Variants in ANO2 observed in about 807,000 individuals in gnomAD.
ANO2 encodes anoctamin-2.
A neutral mutation model predicts 124.2 loss-of-function variants in ANO2; 101 were observed. The observed-to-expected ratio is 0.81, with a 90% CI of 0.69 to 0.96. The LOEUF (loss-of-function observed/expected upper bound fraction) is 0.96, where lower values mean the gene tolerates loss of function less well. Among genes scored for constraint, ANO2 ranks in the 40% least tolerant of loss-of-function variants. The pLI, the probability that ANO2 is intolerant of heterozygous loss-of-function variation, is 0.00. For synonymous variants in ANO2, 486 were observed against 482.5 expected (o/e 1.01, Z -0.09); for missense variants, 1,293 against 1,274.5 (o/e 1.01, Z -0.22).
In ANO2 at chr12:5,922,774, C is replaced by G. The variant is rs200511572; in HGVS notation, c.53G>C (p.Arg18Pro). 3 of 1,543,010 alleles carry G rather than the reference C, an allele frequency of 1.9e-6. No individual in the cohort carries two copies. The East Asian group carries it at 7.1e-5, about 37-fold the overall frequency. ...DIPLLPGSPR[R>P]LSPQAGSRGG... The stretch of plus-strand genomic sequence containing the variant: ...TCTGGACCCTGCCTGAGGGCTCAGC[C>G]GGCGTGGGGAGCCAGGGAGCAGGGG... The change falls in exon 2 of 25, where the codon CGG becomes CCG. Residue 18 changes from arginine to proline, a missense_variant. By Grantham distance (103) the Arg-to-Pro change is moderately radical (BLOSUM62 -2). Transcript: ENST00000682330.
chr12:5,827,602 C>T, intron 7 of ANO2, 167 bp downstream of exon 7: 1 of 777,944 alleles, frequency 1.3e-6, no homozygotes, highest in Admixed American at 2.2e-5. Context: ...GGGACCCCCG[C>T]TGCTCCTGGG....
chr12:5,757,590 C>T (rs191929835), intron 10 of ANO2, among the ~76,000 whole-genome samples: 3 of 152,294 alleles, frequency 2.0e-5, no homozygotes, highest in African/African-American at 7.2e-5. Flanking sequence ...ATTTACCCAC[C>T]ACCACAGGTT....
intron 3 of ANO2, among the ~76,000 whole-genome samples, chr12:5,906,329 C>T (rs549197766): frequency 7.0e-6 from 1 of 142,080 alleles, no homozygotes; most frequent in African/African-American, 2.7e-5. Context: ...ATTATATTAT[C>T]AATATGTCAC....
chr12:5,708,294 G>T (rs1407381128), intron 14 of ANO2, among the ~76,000 whole-genome samples: 1 of 152,178 alleles, frequency 6.6e-6, no homozygotes, highest in Non-Finnish European at 1.5e-5. Context: ...ACTCTCCACA[G>T]AACATTTTAC....
At chr12:5,747,053 C>T (rs1951285603) in intron 11 of ANO2, among the ~76,000 whole-genome samples, 1 of 152,168 alleles carries the variant, frequency 6.6e-6, no homozygotes, top group African/African-American at 2.4e-5. Context: ...TAAAGCTCCA[C>T]CTCATCAATG....
chr12:5,598,800 T>C (rs1036089086), intron 20 of ANO2, among the ~76,000 whole-genome samples: 10 of 152,230 alleles, frequency 6.6e-5, no homozygotes, highest in East Asian at 1.9e-4. Flanking sequence ...CTGGCCTAAG[T>C]TGGGACCCTT....
At chr12:5,922,478 G>A (rs1240459618) in intron 2 of ANO2, 142 bp downstream of exon 2, 2 of 949,350 alleles carry the variant, frequency 2.1e-6, no homozygotes, top group African/African-American at 1.7e-5. Context: ...ACAGAGAAGA[G>A]AAAAGGCCCT....
chr12:5,858,137 T>C (rs941943414), intron 3 of ANO2, among the ~76,000 whole-genome samples: 4 of 152,244 alleles, frequency 2.6e-5, no homozygotes, highest in South Asian at 4.1e-4. Flanking sequence ...AGGATTAATA[T>C]AATTTATTGT....
intron 1 of ANO2, among the ~76,000 whole-genome samples, chr12:5,924,324 T>G (rs920298987): frequency 6.6e-6 from 1 of 152,222 alleles, no homozygotes; most frequent in Admixed American, 6.5e-5. Context: ...GAAACACAAC[T>G]GTGACCAGCA....
intron 3 of ANO2, among the ~76,000 whole-genome samples, chr12:5,910,085 A>T (rs1940953049): frequency 6.6e-6 from 1 of 152,252 alleles, no homozygotes; most frequent in Non-Finnish European, 1.5e-5. Context: ...CTAGAGACAC[A>T]TCTAAAAATT....
intron 10 of ANO2, among the ~76,000 whole-genome samples, chr12:5,798,696 G>A (rs1216381808): frequency 6.6e-6 from 1 of 152,206 alleles, no homozygotes; most frequent in Non-Finnish European, 1.5e-5. Context: ...AGCCTCCCAA[G>A]TTAGGACAAC....
At chr12:5,753,825 A>T (rs1049784202) in intron 10 of ANO2, among the ~76,000 whole-genome samples, 3 of 152,190 alleles carry the variant, frequency 2.0e-5, no homozygotes, top group African/African-American at 7.2e-5. Flanking sequence ...AGATCATGTC[A>T]TCTGGAAACT....
intron 16 of ANO2, among the ~76,000 whole-genome samples, chr12:5,625,402 G>A (rs975124418): frequency 6.6e-6 from 1 of 152,066 alleles, no homozygotes; most frequent in Non-Finnish European, 1.5e-5. Flanking sequence ...GGGAGTGAGA[G>A]TGCCAGGGAG....
At chr12:5,640,230 T>C (rs539671875) in intron 15 of ANO2, among the ~76,000 whole-genome samples, 26 of 152,330 alleles carry the variant, frequency 1.7e-4, no homozygotes, top group African/African-American at 6.0e-4. Context: ...CTAATGCCCA[T>C]GGTCCTGGCA....
At chr12:5,696,612 A>C (rs1288611299) in intron 14 of ANO2, among the ~76,000 whole-genome samples, 2 of 152,226 alleles carry the variant, frequency 1.3e-5, no homozygotes, top group African/African-American at 4.8e-5. Context: ...GGAGCACTCC[A>C]AACTCATACT....
intron 10 of ANO2, among the ~76,000 whole-genome samples, chr12:5,795,208 C>T (rs565590231): frequency 5.9e-5 from 9 of 152,292 alleles, no homozygotes; most frequent in African/African-American, 1.7e-4. Flanking sequence ...TGTGTAGCAA[C>T]GTTGGGGCAC....
In ANO2 at chr12:5,769,730, C is replaced by A. The variant is rs555061470; in HGVS notation, c.1056-18760G>T. On this transcript the variant is annotated intron_variant, in intron 10 of 24. Transcript: ENST00000682330. The surrounding 1 kb of genome is among the most constrained non-coding windows in gnomAD (Gnocchi z 4.0). Reference sequence around the variant, plus strand: ...AAAATCGCTCCATTTCTGCGTGCACCCTTCATTCTAGGTACTCTGCTGAAT... The same window carrying A: ...AAAATCGCTCCATTTCTGCGTGCACACTTCATTCTAGGTACTCTGCTGAAT... Among the ~76,000 whole-genome samples the A allele has an allele frequency of 2.6e-5, 4 of 152,244 alleles. No individual in the cohort carries two copies. Among genetic ancestry groups the A allele is most frequent in the African/African-American group, 7.2e-5 (3 of 41,544 alleles).
chr12:5,740,297 C>T (rs1047658082), intron 12 of ANO2: 24 of 195,336 alleles, frequency 1.2e-4, no homozygotes, highest in Admixed American at 5.4e-5. Context: ...CTTCGTTTCC[C>T]ACAGCATCTC....
chr12:5,912,121 A>G (rs1255535934), intron 3 of ANO2, among the ~76,000 whole-genome samples: 2 of 152,178 alleles, frequency 1.3e-5, no homozygotes. Flanking sequence ...TCAGTTGGTA[A>G]AAGACTCCAG....
Sources: allele counts gnomAD v4.1 joint callset (sites outside exome capture counted in the v4.1 genomes callset), GRCh38; gene constraint gnomAD v4.1.1; non-coding constraint Gnocchi (gnomAD v3.1); transcripts MANE v1.5; gene names NCBI Gene and HGNC (gene_info 2026-07-23, HGNC 2026-07-21).